Variants in TRAK1 observed in about 807,000 individuals in gnomAD.
The protein encoded by TRAK1 is trafficking kinesin-binding protein 1.
Under a neutral mutation model 92.1 loss-of-function variants are expected in TRAK1, and 33 were observed. The observed-to-expected ratio is 0.36, with a 90% CI of 0.27 to 0.48. The LOEUF (loss-of-function observed/expected upper bound fraction) is 0.48. Among genes scored for constraint, TRAK1 ranks in the 20% least tolerant of loss-of-function variants. TRAK1 has a pLI of 0.99. For synonymous variants in TRAK1, 521 were observed against 517.3 expected, an observed-to-expected ratio of 1.01 and a Z score of -0.10; for missense variants, 1,123 against 1,257.9, an observed-to-expected ratio of 0.89 and a Z score of 1.62.
chr3:42,184,836 C>T (rs1320700422), intron 4 of TRAK1, 35 bp downstream of exon 4: 6 of 1,587,348 alleles, frequency 3.8e-6, no homozygotes, highest in Non-Finnish European at 4.3e-6. Context: ...CCAGAGGGGC[C>T]CGCCACAGGC....
chr3:42,141,879 T>C (rs575792113), intron 2 of TRAK1, among the ~76,000 whole-genome samples: 9 of 152,284 alleles, frequency 5.9e-5, no homozygotes, highest in Admixed American at 5.2e-4. Flanking sequence ...CTCATGCCTG[T>C]AATCCCAGCA....
intron 2 of TRAK1, among the ~76,000 whole-genome samples, chr3:42,141,628 G>C (rs1221924037): frequency 6.6e-6 from 1 of 152,172 alleles, no homozygotes; most frequent in Non-Finnish European, 1.5e-5. Context: ...CTCTGAGGGA[G>C]AATCTGTTCC....
At chr3:42,058,481 G>C (rs1188204895) in intron 1 of TRAK1, among the ~76,000 whole-genome samples, 1 of 151,912 alleles carries the variant, frequency 6.6e-6, no homozygotes, top group African/African-American at 2.4e-5. Context: ...GGGATTACAG[G>C]CGCCCCCGCC....
chr3:42,037,709 A>G (rs1252509860), intron 1 of TRAK1, among the ~76,000 whole-genome samples: 2 of 152,224 alleles, frequency 1.3e-5, no homozygotes, highest in African/African-American at 4.8e-5. Context: ...AAGTCTCGTG[A>G]CCTGTGTCTG....
At chr3:42,047,924 T>TC (rs950238199) in intron 1 of TRAK1, among the ~76,000 whole-genome samples, 1 of 147,056 alleles carries the variant, frequency 6.8e-6, no homozygotes, top group Non-Finnish European at 1.5e-5. Flanking sequence ...TTTCTTTTCT[T>TC]TTTTTTTTTT....
At chr3:42,050,858 A>T (rs780843360) in intron 1 of TRAK1, among the ~76,000 whole-genome samples, 2 of 152,072 alleles carry the variant, frequency 1.3e-5, no homozygotes, top group Non-Finnish European at 2.9e-5. Context: ...GGGTTTCACC[A>T]TGTTGGCCAG....
chr3:42,177,926 A>G (rs1282159279), intron 3 of TRAK1, among the ~76,000 whole-genome samples: 2 of 152,184 alleles, frequency 1.3e-5, no homozygotes, highest in East Asian at 3.9e-4. Context: ...CAGGGTGTCA[A>G]GGGCGGTATT....
intron 1 of TRAK1, among the ~76,000 whole-genome samples, chr3:42,019,435 T>C (rs1338647446): frequency 1.3e-5 from 2 of 152,102 alleles, no homozygotes; most frequent in Admixed American, 1.3e-4. Flanking sequence ...TGGCTAATTT[T>C]CTTTTCTTTT....
intron 13 of TRAK1, chr3:42,203,689 G>A: frequency 1.0e-6 from 1 of 985,236 alleles, no homozygotes; most frequent in Non-Finnish European, 1.2e-6. Context: ...CAGAACTTCT[G>A]TAAGGCAGAA....
At chr3:42,186,801 T>G (rs774024456) in intron 4 of TRAK1, among the ~76,000 whole-genome samples, 3 of 152,104 alleles carry the variant, frequency 2.0e-5, no homozygotes, top group Non-Finnish European at 4.4e-5. Context: ...TGTTTCCCTT[T>G]GGCATATTAT....
intron 1 of TRAK1, among the ~76,000 whole-genome samples, chr3:42,063,863 G>A (rs1022940669): frequency 3.3e-5 from 5 of 152,170 alleles, no homozygotes; most frequent in Admixed American, 6.5e-5. Flanking sequence ...TTGGCCCGGT[G>A]ATGTATTTTG....
intron 2 of TRAK1, among the ~76,000 whole-genome samples, chr3:42,162,167 C>G (rs1264561458): frequency 2.6e-5 from 4 of 152,032 alleles, no homozygotes; most frequent in African/African-American, 9.7e-5. Context: ...CTGTATGATT[C>G]TAGATTAAAG....
At chr3:42,107,063 A>C (rs1707662834) in intron 1 of TRAK1, among the ~76,000 whole-genome samples, 1 of 152,208 alleles carries the variant, frequency 6.6e-6, no homozygotes, top group African/African-American at 2.4e-5. Context: ...TCCCCTAGTT[A>C]GAGCCACCTT....
chr3:42,155,630 A>G (rs1057234819), intron 2 of TRAK1, among the ~76,000 whole-genome samples: 4 of 152,150 alleles, frequency 2.6e-5, no homozygotes, highest in Non-Finnish European at 5.9e-5. Context: ...TAGAGCTCCC[A>G]TCTTGAAAAT....
intron 9 of TRAK1, among the ~76,000 whole-genome samples, chr3:42,194,243 TTC>T (rs1390098996): frequency 6.6e-6 from 1 of 152,144 alleles, no homozygotes; most frequent in Non-Finnish European, 1.5e-5. Context: ...TTCTTTTTCT[TTC>T]TCTCTTTTTC....
rs78909889 is a variant in TRAK1, at chr3:42,142,527, A to G, written c.286+16913A>G. ...TCCTACCCGAGTATAGTCTGTGCCCACAGCATCAGACCTTTCTGTTCTTGA... is the reference window on the plus strand; with the variant it reads ...TCCTACCCGAGTATAGTCTGTGCCCGCAGCATCAGACCTTTCTGTTCTTGA... On this transcript the variant is annotated intron_variant, in intron 2 of 15. Transcript: ENST00000327628. Among the ~76,000 whole-genome samples, 947 of 152,274 alleles carry G rather than the reference A, an allele frequency of 6.2e-3. 38 individuals are homozygous for G. In the East Asian group the frequency reaches 0.11, roughly 18 times the overall value.
intron 2 of TRAK1, among the ~76,000 whole-genome samples, chr3:42,148,235 G>C (rs916011211): frequency 2.0e-5 from 3 of 152,146 alleles, no homozygotes; most frequent in African/African-American, 4.8e-5. Context: ...GGAGGGTAGT[G>C]CTACCTGCGT....
chr3:42,148,177 A>G (rs1699553607), intron 2 of TRAK1, among the ~76,000 whole-genome samples: 1 of 152,116 alleles, frequency 6.6e-6, no homozygotes, highest in African/African-American at 2.4e-5. Flanking sequence ...TATCCAGGGG[A>G]CATTTGGCAA....
chr3:42,217,594 T>C, intron 14 of TRAK1: 1 of 985,418 alleles, frequency 1.0e-6, no homozygotes, highest in Non-Finnish European at 1.2e-6. Flanking sequence ...GATTTGATAT[T>C]CTGGCCATAT....
Sources: allele counts gnomAD v4.1 joint callset (sites outside exome capture counted in the v4.1 genomes callset), GRCh38; gene constraint gnomAD v4.1.1; transcripts MANE v1.5; gene names NCBI Gene and HGNC (gene_info 2026-07-23, HGNC 2026-07-21).